The following ASAP1 variants were observed in gnomAD, a reference collection of about 807,000 sequenced individuals.
The protein encoded by ASAP1 is ArfGAP with SH3 domain, ankyrin repeat and PH domain 1, also known as arf-GAP with SH3 domain, ANK repeat and PH domain-containing protein 1.
A neutral mutation model predicts 145.2 loss-of-function variants in ASAP1; 43 were observed. That is an observed-to-expected ratio of 0.30 (90% CI 0.23 to 0.38). ASAP1 has a LOEUF of 0.38. Ranked by LOEUF, ASAP1 falls within the 10% of genes least tolerant of loss-of-function variation. The pLI, the probability that ASAP1 is intolerant of heterozygous loss-of-function variation, is 1.00. For synonymous variants in ASAP1, 546 were observed against 515.5 expected (o/e 1.06, Z -0.80); for missense variants, 1,018 against 1,355.3 (o/e 0.75, Z 3.91).
At chr8:130,367,800 A>G (rs1366487958) in intron 2 of ASAP1, among the ~76,000 whole-genome samples, 1 of 152,230 alleles carries the variant, frequency 6.6e-6, no homozygotes, top group African/African-American at 2.4e-5. Flanking sequence ...AAGATACCCT[A>G]TATTACATGA....
chr8:130,135,976 A>C (rs2097593719), intron 14 of ASAP1, among the ~76,000 whole-genome samples: 1 of 152,190 alleles, frequency 6.6e-6, no homozygotes. Context: ...CTGCATCAGA[A>C]AGGTTTCAAA....
chr8:130,427,543 T>C (rs1332297012), intron 1 of ASAP1, among the ~76,000 whole-genome samples: 4 of 152,064 alleles, frequency 2.6e-5, no homozygotes, highest in Non-Finnish European at 5.9e-5. Context: ...ATCTCCACCA[T>C]ACTCTGCAGG....
At chr8:130,424,528 T>C (rs1024770117) in intron 1 of ASAP1, among the ~76,000 whole-genome samples, 1 of 152,214 alleles carries the variant, frequency 6.6e-6, no homozygotes, top group South Asian at 2.1e-4. Flanking sequence ...TTGTTTTTTT[T>C]AAACAATTTA....
At position 130,210,498 on chromosome 8, in the gene ASAP1, T is replaced by A. The variant is rs151002798; in HGVS notation, c.405+4058A>T. On this transcript the variant is annotated intron_variant, in intron 5 of 29. Transcript: ENST00000518721. ...AAACCAAAAAGTTTGAGAACTACCATCTAACACTCTCACTCTTTCCAATAT... is the reference window on the plus strand; with the variant it reads ...AAACCAAAAAGTTTGAGAACTACCAACTAACACTCTCACTCTTTCCAATAT... 1.5e-3 allele frequency among the ~76,000 whole-genome samples: 232 copies of A among 152,238 alleles called. 1 individual carries two copies. The highest frequency in any genetic ancestry group is 5.3e-3 in the African/African-American group (220 of 41,524).
At chr8:130,128,277 GAGAGTT>G (rs1255483548) in intron 15 of ASAP1, among the ~76,000 whole-genome samples, 187 bp from the exon 16 acceptor site, 1 of 151,498 alleles carries the variant, frequency 6.6e-6, no homozygotes, top group Non-Finnish European at 1.5e-5. Context: ...GAAGGAAGGT[GAGAGTT>G]AAAGAATGAA....
chr8:130,055,386 G>A (rs2097401644), intron 29 of ASAP1, among the ~76,000 whole-genome samples: 1 of 152,150 alleles, frequency 6.6e-6, no homozygotes, highest in South Asian at 2.1e-4. Context: ...GAAGGAAGGG[G>A]TTTCTTTGCC....
At chr8:130,121,463 C>T (rs906193828) in intron 18 of ASAP1, among the ~76,000 whole-genome samples, 1 of 152,076 alleles carries the variant, frequency 6.6e-6, no homozygotes, top group African/African-American at 2.4e-5. Flanking sequence ...CAAAGTCACC[C>T]TTGGTTGAGA....
chr8:130,077,832 C>T (rs79315592), intron 26 of ASAP1, among the ~76,000 whole-genome samples: 3,117 of 152,150 alleles, frequency 0.02, 48 homozygotes, highest in East Asian at 0.064. Flanking sequence ...CTCTGGGCAA[C>T]GGGGGAATAT....
intron 25 of ASAP1, chr8:130,084,553 G>C (rs6989965): frequency 0.057 from 8,642 of 152,266 alleles, 327 homozygotes; most frequent in Middle Eastern, 0.085. Flanking sequence ...TGGAAAGAGA[G>C]GGGGCATTGG....
intron 25 of ASAP1, among the ~76,000 whole-genome samples, chr8:130,089,499 G>A (rs2097501057): frequency 6.6e-6 from 1 of 152,174 alleles, no homozygotes; most frequent in Non-Finnish European, 1.5e-5. Flanking sequence ...TAAGAGCGTT[G>A]GAAAGGTGCG....
chr8:130,263,284 G>A (rs1010034822), intron 3 of ASAP1, among the ~76,000 whole-genome samples: 2 of 152,124 alleles, frequency 1.3e-5, no homozygotes, highest in Non-Finnish European at 2.9e-5. Flanking sequence ...GATGTGGCTG[G>A]AGGAAAAAAA....
intron 24 of ASAP1, among the ~76,000 whole-genome samples, chr8:130,093,691 A>AAAGC (rs1307591702): frequency 3.5e-5 from 5 of 143,734 alleles, no homozygotes; most frequent in African/African-American, 1.1e-4. Flanking sequence ...AAAAAAAAAG[A>AAAGC]AAGCTAAGAA....
chr8:130,413,031 C>A (rs939515566), intron 1 of ASAP1, among the ~76,000 whole-genome samples: 1 of 152,192 alleles, frequency 6.6e-6, no homozygotes, highest in Admixed American at 6.5e-5. Context: ...ACTTCTTTAA[C>A]CTTCATAACA....
intron 5 of ASAP1, among the ~76,000 whole-genome samples, chr8:130,204,813 G>A (rs1468483807): frequency 6.6e-6 from 1 of 152,134 alleles, no homozygotes; most frequent in Non-Finnish European, 1.5e-5. Flanking sequence ...TGGAGATTTG[G>A]GGGTTCATGT....
chr8:130,074,286 G>C (rs1319124706), intron 27 of ASAP1, among the ~76,000 whole-genome samples: 1 of 152,154 alleles, frequency 6.6e-6, no homozygotes, highest in Admixed American at 6.5e-5. Context: ...AGAGTGGCTG[G>C]GCAGGGAACT....
intron 1 of ASAP1, among the ~76,000 whole-genome samples, chr8:130,431,749 C>G (rs1830140985): frequency 6.6e-6 from 1 of 151,466 alleles, no homozygotes; most frequent in South Asian, 2.1e-4. Flanking sequence ...TCCAGGATAG[C>G]AGAGTATGCA....
At chr8:130,356,545 G>GA (rs1826320874) in intron 3 of ASAP1, among the ~76,000 whole-genome samples, 3 of 151,810 alleles carry the variant, frequency 2.0e-5, no homozygotes, top group African/African-American at 2.4e-5. Flanking sequence ...CAAAAAAAAA[G>GA]AAAAAAGAAA....
At chr8:130,167,116 C>T (rs909878083) in intron 11 of ASAP1, among the ~76,000 whole-genome samples, 1 of 151,974 alleles carries the variant, frequency 6.6e-6, no homozygotes, top group Non-Finnish European at 1.5e-5. Flanking sequence ...CCAGCCAGGG[C>T]AACATGGTCA....
intron 13 of ASAP1, among the ~76,000 whole-genome samples, chr8:130,151,370 C>CAAAAAAAAAAAAAAAAAAAAAAAAAAAA (rs58367856): frequency 3.2e-5 from 2 of 62,856 alleles, no homozygotes; most frequent in African/African-American, 1.1e-4. Flanking sequence ...GACTCAGTCT[C>CAAAAAAAAAAAAAAAAAAAAAAAAAAAA]AAAAAAAAAA....
Sources: allele counts gnomAD v4.1 joint callset (sites outside exome capture counted in the v4.1 genomes callset), GRCh38; gene constraint gnomAD v4.1.1; transcripts MANE v1.5; gene names NCBI Gene and HGNC (gene_info 2026-07-23, HGNC 2026-07-21).